ARFGEF3: variants seen among roughly 807,000 people sequenced by gnomAD.
The protein encoded by ARFGEF3 is ARFGEF family member 3, also known as brefeldin A-inhibited guanine nucleotide-exchange protein 3.
A neutral mutation model predicts 221.7 loss-of-function variants in ARFGEF3; 96 were observed. The observed-to-expected ratio is 0.43, with a 90% CI of 0.37 to 0.51. The LOEUF (loss-of-function observed/expected upper bound fraction) is 0.51. ARFGEF3 is among the 20% of genes least tolerant of loss of function. The pLI, the probability that ARFGEF3 is intolerant of heterozygous loss-of-function variation, is 0.00. For missense variants in ARFGEF3, 2,410 were observed against 2,789.9 expected, an observed-to-expected ratio of 0.86 and a Z score of 3.07; for synonymous variants, 1,145 against 1,126.8, an observed-to-expected ratio of 1.02 and a Z score of -0.32.
intron 6 of ARFGEF3, among the ~76,000 whole-genome samples, chr6:138,239,577 A>T (rs1460315610): frequency 6.8e-6 from 1 of 147,202 alleles, no homozygotes; most frequent in East Asian, 2.1e-4. Flanking sequence ...TGAACTCAGG[A>T]GGTGGAGGTT....
intron 2 of ARFGEF3, among the ~76,000 whole-genome samples, chr6:138,205,997 T>C (rs763006079): frequency 6.6e-6 from 1 of 152,242 alleles, no homozygotes; most frequent in Non-Finnish European, 1.5e-5. Flanking sequence ...GCAGTAACCC[T>C]TATTTCTCCA....
chr6:138,317,994 C>A (rs1779956484), intron 27 of ARFGEF3, among the ~76,000 whole-genome samples: 1 of 152,108 alleles, frequency 6.6e-6, no homozygotes, highest in Admixed American at 6.6e-5. Context: ...ATGCCAATTT[C>A]TCAAGATCAA....
chr6:138,286,988 C>T lies in ARFGEF3; in HGVS notation c.2785+72C>T. The T allele has an allele frequency of 5.7e-6, 9 of 1,579,684 alleles. No homozygotes were observed. The Admixed American group carries it at 7.3e-5, about 13-fold the overall frequency. ...CTGGGAATGACCCAGCAGGGTGGGG[C>T]AGGGGGACCCTTTAGAAGGGGTTCT... On this transcript the variant is annotated intron_variant, in intron 16 of 33. Coordinates refer to ENST00000251691, the MANE Select transcript of ARFGEF3 (RefSeq NM_020340.5).
intron 2 of ARFGEF3, among the ~76,000 whole-genome samples, chr6:138,174,175 A>T (rs76477554): frequency 0.05 from 7,615 of 152,246 alleles, 606 homozygotes; most frequent in African/African-American, 0.17. Flanking sequence ...AGGAGGTTTC[A>T]GTTTGTGATT....
chr6:138,269,466 T>C (rs1018552499), intron 12 of ARFGEF3, among the ~76,000 whole-genome samples: 1 of 152,140 alleles, frequency 6.6e-6, no homozygotes. Flanking sequence ...TAAATGAGTA[T>C]GTTATGCTGC....
chr6:138,224,696 CA>C (rs1032927245), intron 4 of ARFGEF3, among the ~76,000 whole-genome samples: 3 of 152,134 alleles, frequency 2.0e-5, no homozygotes, highest in Admixed American at 2.0e-4. Flanking sequence ...GCAGGCATCA[CA>C]AAAGGTAAAT....
At chr6:138,172,704 A>C (rs1776861658) in intron 2 of ARFGEF3, among the ~76,000 whole-genome samples, 1 of 152,220 alleles carries the variant, frequency 6.6e-6, no homozygotes. Context: ...AAAGGTAAAA[A>C]AGAATTGATA....
rs745966364 is a variant in ARFGEF3, at chr6:138,336,414, C to T, written c.6462C>T (p.Thr2154=). ...TCAGTCAGCTGACCTGTCACGTGAC[C>T]GACATCAGAGTTCGCCAGGCTGTGA... The part of the protein sequence containing the change: ...PCISQLTCHV[T]DIRVRQAVRE... The change falls in exon 34 of 34, where the codon ACC becomes ACT. Residue 2154 remains threonine (T), a synonymous_variant. Coordinates refer to ENST00000251691, the MANE Select transcript of ARFGEF3 (RefSeq NM_020340.5). 2.0e-5 allele frequency: 32 copies of T among 1,613,316 alleles called. No homozygotes were observed. The highest frequency in any genetic ancestry group is 1.7e-4 in the Admixed American group (10 of 59,912).
chr6:138,259,152 A>T (rs534224123), intron 10 of ARFGEF3, among the ~76,000 whole-genome samples: 10 of 152,148 alleles, frequency 6.6e-5, no homozygotes, highest in Non-Finnish European at 1.5e-4. Flanking sequence ...GACAAAACCA[A>T]TCGTTTGGGA....
At chr6:138,281,052 G>A (rs1227333416) in intron 14 of ARFGEF3, among the ~76,000 whole-genome samples, 1 of 152,154 alleles carries the variant, frequency 6.6e-6, no homozygotes, top group Non-Finnish European at 1.5e-5. Context: ...TAAACTATGT[G>A]CGTATACAGG....
chr6:138,203,504 C>T (rs1777573064), intron 2 of ARFGEF3, among the ~76,000 whole-genome samples: 1 of 152,146 alleles, frequency 6.6e-6, no homozygotes, highest in African/African-American at 2.4e-5. Flanking sequence ...CTGGCTCTTC[C>T]CTAGCTCTCA....
At chr6:138,311,568 C>A in intron 25 of ARFGEF3, 58 bp downstream of exon 25, 2 of 1,194,998 alleles carry the variant, frequency 1.7e-6, no homozygotes, top group Non-Finnish European at 2.4e-6. Context: ...AACATGCTGC[C>A]AAAACATGCG....
At chr6:138,239,739 T>G (rs985726746) in intron 6 of ARFGEF3, among the ~76,000 whole-genome samples, 1 of 152,066 alleles carries the variant, frequency 6.6e-6, no homozygotes, top group African/African-American at 2.4e-5. Flanking sequence ...GATTTCTTAT[T>G]TAACCTCAAC....
Position 138,336,829 on chromosome 6 carries a change from C to T in ARFGEF3, c.*343C>T, listed in dbSNP as rs1780335610. 5.9e-6 allele frequency: 1 copy of T among 168,118 alleles called. No individual in the cohort carries two copies. Among genetic ancestry groups the T allele is most frequent in the African/African-American group, 2.4e-5 (1 of 42,110 alleles). The allele number at this position is 168,118 out of a possible 1,614,324, so 10.4% of individuals were successfully genotyped here. On this transcript the variant is annotated 3_prime_UTR_variant, in exon 34 of 34. Coordinates refer to ENST00000251691, the MANE Select transcript of ARFGEF3 (RefSeq NM_020340.5). ...TTTTCAAGGATTACTCATTTGAAAA[C>T]ACTATATTGATCCATTTGATCCATC...
At chr6:138,250,757 A>C (rs973058260) in intron 8 of ARFGEF3, among the ~76,000 whole-genome samples, 2 of 152,242 alleles carry the variant, frequency 1.3e-5, no homozygotes, top group Admixed American at 1.3e-4. Flanking sequence ...TTCAGTGATG[A>C]GCAGAGAATG....
chr6:138,316,210 ATAATCAATGTAACTAGGACTT>A (rs1277017718), intron 26 of ARFGEF3, among the ~76,000 whole-genome samples: 1 of 152,200 alleles, frequency 6.6e-6, no homozygotes. Flanking sequence ...AGTTTTCTAC[ATAATCAATGTAACTAGGACTT>A]TAAAGTTATC....
intron 1 of ARFGEF3, among the ~76,000 whole-genome samples, chr6:138,165,163 C>T (rs1461015182): frequency 6.7e-6 from 1 of 150,046 alleles, no homozygotes; most frequent in Non-Finnish European, 1.5e-5. Context: ...CTGAGACCCT[C>T]ATGAGAGAGA....
At chr6:138,217,648 C>T (rs6926981) in intron 4 of ARFGEF3, 4,546 of 216,414 alleles carry the variant, frequency 0.021, 241 homozygotes, top group African/African-American at 0.1. Flanking sequence ...TGGTGCCTAG[C>T]GGAGCATCTG....
chr6:138,180,629 CTT>C (rs1473182717), intron 2 of ARFGEF3, among the ~76,000 whole-genome samples: 2 of 152,142 alleles, frequency 1.3e-5, no homozygotes, highest in Non-Finnish European at 2.9e-5. Context: ...CTTTAAGACA[CTT>C]TGGTTAGTCC....
Sources: gnomAD v4.1 joint callset for allele counts (sites outside exome capture counted in the v4.1 genomes callset) on GRCh38, gnomAD v4.1.1 for gene constraint, MANE v1.5 for transcripts, NCBI Gene and HGNC (gene_info 2026-07-23, HGNC 2026-07-21) for gene names.